Variants in NRXN3 observed in about 807,000 individuals in gnomAD.
The protein encoded by NRXN3 is neurexin III.
NRXN3 carries 32 observed loss-of-function variants against 137.6 expected under a neutral mutation model. That is an observed-to-expected ratio of 0.23 (90% CI 0.18 to 0.31). The LOEUF is 0.31. NRXN3 is among the 10% of genes least tolerant of loss of function. The pLI is 1.00. For synonymous variants in NRXN3, 798 were observed against 784.5 expected (o/e 1.02, Z -0.29); for missense variants, 1,574 against 2,062.5 (o/e 0.76, Z 4.59).
intron 15 of NRXN3, among the ~76,000 whole-genome samples, chr14:79,431,763 T>TA (rs61281256): frequency 3.0e-4 from 46 of 152,156 alleles, no homozygotes; most frequent in African/African-American, 1.0e-3. Context: ...CTGTTTCTTT[T>TA]AAAAAAATTA....
At chr14:79,743,727 G>A (rs1205556378) in intron 19 of NRXN3, among the ~76,000 whole-genome samples, 2 of 152,092 alleles carry the variant, frequency 1.3e-5, no homozygotes, top group Non-Finnish European at 1.5e-5. Flanking sequence ...TATTCCATGA[G>A]CAACTGGAGA....
At chr14:78,314,878 G>C (rs11159351) in intron 4 of NRXN3, among the ~76,000 whole-genome samples, 2 of 75,136 alleles carry the variant, frequency 2.7e-5, no homozygotes, top group Non-Finnish European at 5.4e-5. Flanking sequence ...TTTCTTTTCC[G>C]TTCTTTCTTT....
intron 4 of NRXN3, among the ~76,000 whole-genome samples, chr14:78,510,812 A>G (rs1046448950): frequency 6.6e-6 from 1 of 152,206 alleles, no homozygotes; most frequent in Non-Finnish European, 1.5e-5. Flanking sequence ...GCCAAGTGCT[A>G]TAGGTACTAA....
intron 20 of NRXN3, among the ~76,000 whole-genome samples, chr14:79,818,313 A>G (rs2099259225): frequency 6.6e-6 from 1 of 152,008 alleles, no homozygotes; most frequent in South Asian, 2.1e-4. Flanking sequence ...TCGGCCTCCC[A>G]AAGTGCTGGG....
At chr14:79,752,119 A>G (rs902213050) in intron 19 of NRXN3, among the ~76,000 whole-genome samples, 7 of 151,990 alleles carry the variant, frequency 4.6e-5, no homozygotes, top group Non-Finnish European at 1.0e-4. Context: ...CTCTTTTTCT[A>G]TTGATTGGAA....
chr14:78,692,219 G>A (rs1392402024), intron 6 of NRXN3, among the ~76,000 whole-genome samples: 1 of 152,042 alleles, frequency 6.6e-6, no homozygotes, highest in Non-Finnish European at 1.5e-5. Context: ...GGTAAAGGTC[G>A]GTAGGTTTTT....
intron 10 of NRXN3, among the ~76,000 whole-genome samples, chr14:78,933,930 C>A (rs2099328616): frequency 6.6e-6 from 1 of 151,998 alleles, no homozygotes; most frequent in South Asian, 2.1e-4. Flanking sequence ...CTCCCCACCC[C>A]CAACCACCCC....
chr14:79,399,325 C>T (rs958482419), intron 15 of NRXN3, among the ~76,000 whole-genome samples: 1 of 152,120 alleles, frequency 6.6e-6, no homozygotes, highest in African/African-American at 2.4e-5. Context: ...CTATACTTCC[C>T]CCAGAGATAT....
chr14:78,278,143 C>A (rs1303857417), intron 2 of NRXN3, among the ~76,000 whole-genome samples: 1 of 152,162 alleles, frequency 6.6e-6, no homozygotes, highest in Non-Finnish European at 1.5e-5. Context: ...CTGTAACTTG[C>A]TCTTAATTCT....
At chr14:79,049,068 A>T (rs1481285198) in intron 15 of NRXN3, among the ~76,000 whole-genome samples, 4 of 63,362 alleles carry the variant, frequency 6.3e-5, no homozygotes, top group African/African-American at 2.3e-4. Context: ...AAAAAAAAAA[A>T]AAAAAATAAT....
chr14:79,560,503 G>GTTTTTTTTTTTTTTTTTTTTTTT (rs1567504638), intron 16 of NRXN3, among the ~76,000 whole-genome samples: 1 of 39,572 alleles, frequency 2.5e-5, no homozygotes, highest in African/African-American at 7.4e-5. Flanking sequence ...AAGATTGTAA[G>GTTTTTTTTTTTTTTTTTTTTTTT]CTTTTTTTTT....
chr14:79,840,102 G>A (rs2099352835), intron 20 of NRXN3, among the ~76,000 whole-genome samples: 1 of 152,150 alleles, frequency 6.6e-6, no homozygotes, highest in Admixed American at 6.6e-5. Context: ...TCAGGTCACA[G>A]AAGTTGGATC....
intron 15 of NRXN3, among the ~76,000 whole-genome samples, chr14:78,993,834 ATTT>A (rs58170856): frequency 2.1e-4 from 14 of 67,002 alleles, no homozygotes; most frequent in South Asian, 7.6e-4. Flanking sequence ...GAGCCTTGAA[ATTT>A]TTTTTTTTTT....
At chr14:78,773,224 C>G (rs1395989475) in intron 8 of NRXN3, among the ~76,000 whole-genome samples, 4 of 152,214 alleles carry the variant, frequency 2.6e-5, no homozygotes, top group Non-Finnish European at 5.9e-5. Context: ...TCCCATGTCT[C>G]TATACCAATG....
chr14:78,250,256 G>C (rs937583796), intron 2 of NRXN3: 1 of 347,128 alleles, frequency 2.9e-6, no homozygotes, highest in East Asian at 8.5e-5. Context: ...ATAAAAAATC[G>C]TACATCATGG....
intron 16 of NRXN3, among the ~76,000 whole-genome samples, chr14:79,497,641 T>C (rs1436311731): frequency 1.3e-5 from 2 of 152,170 alleles, no homozygotes; most frequent in African/African-American, 4.8e-5. Flanking sequence ...TCCCAGGGGT[T>C]AGTGACTTTT....
intron 15 of NRXN3, among the ~76,000 whole-genome samples, chr14:79,374,175 G>A (rs1260290464): frequency 6.6e-6 from 1 of 151,968 alleles, no homozygotes; most frequent in Non-Finnish European, 1.5e-5. Context: ...GTACTATATG[G>A]CACTCAAAAC....
chr14:78,779,837 A>G (rs866374708), intron 8 of NRXN3, among the ~76,000 whole-genome samples: 1 of 152,242 alleles, frequency 6.6e-6, no homozygotes, highest in East Asian at 1.9e-4. Flanking sequence ...AACATTGACC[A>G]TATTTATGTA....
chr14:78,619,209 T>C (rs2097374662), intron 4 of NRXN3, among the ~76,000 whole-genome samples: 1 of 152,180 alleles, frequency 6.6e-6, no homozygotes, highest in Admixed American at 6.5e-5. Context: ...CAGGGAAAGA[T>C]TGAGGAGCCT....
Sources: allele counts gnomAD v4.1 joint callset (sites outside exome capture counted in the v4.1 genomes callset), GRCh38; gene constraint gnomAD v4.1.1; transcripts MANE v1.5; gene names NCBI Gene and HGNC (gene_info 2026-07-23, HGNC 2026-07-21).